Variants in CSNK1G1 observed in about 807,000 individuals in gnomAD.
CSNK1G1 encodes the protein casein kinase I isoform gamma-1.
In CSNK1G1, 22 loss-of-function variants were observed where a neutral mutation model predicts 59.6. The observed-to-expected ratio is 0.37, with a 90% CI of 0.26 to 0.53. The LOEUF (loss-of-function observed/expected upper bound fraction) is 0.53. CSNK1G1 is among the 20% of genes least tolerant of loss of function. The pLI, the probability that CSNK1G1 is intolerant of heterozygous loss-of-function variation, is 0.89. For synonymous variants in CSNK1G1, 179 were observed against 177.1 expected (o/e 1.01, Z -0.08); for missense variants, 384 against 519.5 (o/e 0.74, Z 2.54).
At chr15:64,184,233 G>T (rs2081859012) in intron 10 of CSNK1G1, among the ~76,000 whole-genome samples, 1 of 152,058 alleles carries the variant, frequency 6.6e-6, no homozygotes, top group Non-Finnish European at 1.5e-5. Flanking sequence ...AACCTGGGAG[G>T]CGTAGCTTGC....
intron 1 of CSNK1G1, among the ~76,000 whole-genome samples, chr15:64,317,526 TTC>T (rs1299842762): frequency 1.0e-5 from 1 of 99,874 alleles, no homozygotes; most frequent in South Asian, 4.8e-4. Flanking sequence ...GTGATAAGGT[TTC>T]TCTTTTTTTT....
chr15:64,276,124 G>T (rs1250284379), intron 2 of CSNK1G1, among the ~76,000 whole-genome samples: 2 of 152,090 alleles, frequency 1.3e-5, no homozygotes, highest in Non-Finnish European at 1.5e-5. Context: ...AAAAGAAAGG[G>T]AGAAGTTGAA....
chr15:64,281,212 T>C (rs1322849992), intron 2 of CSNK1G1, among the ~76,000 whole-genome samples: 1 of 152,218 alleles, frequency 6.6e-6, no homozygotes. Context: ...ACTATTATCC[T>C]TGAGGACGTT....
intron 7 of CSNK1G1, among the ~76,000 whole-genome samples, chr15:64,207,031 T>G (rs2082191601): frequency 1.3e-5 from 2 of 152,060 alleles, no homozygotes; most frequent in Admixed American, 1.3e-4. Context: ...TGCTACATAA[T>G]GGTAGTGGAG....
chr15:64,233,399 A>C (rs959032002), intron 4 of CSNK1G1, among the ~76,000 whole-genome samples: 2 of 151,986 alleles, frequency 1.3e-5, no homozygotes, highest in Non-Finnish European at 2.9e-5. Context: ...CCAGTGCAAA[A>C]TTCTCTAAAA....
intron 2 of CSNK1G1, among the ~76,000 whole-genome samples, chr15:64,262,877 G>A (rs1216187848): frequency 2.6e-5 from 4 of 151,966 alleles, no homozygotes; most frequent in African/African-American, 7.3e-5. Context: ...TCAGGAATTC[G>A]AGACCAGCCT....
intron 4 of CSNK1G1, among the ~76,000 whole-genome samples, chr15:64,218,852 GTTT>G (rs11364699): frequency 2.2e-3 from 249 of 114,072 alleles, no homozygotes; most frequent in African/African-American, 7.4e-3. Flanking sequence ...AATTTGAAGT[GTTT>G]TTTTTTTTTT....
intron 4 of CSNK1G1, among the ~76,000 whole-genome samples, chr15:64,239,409 T>C (rs1168457521): frequency 1.3e-5 from 2 of 152,210 alleles, no homozygotes; most frequent in Non-Finnish European, 2.9e-5. Context: ...AGGATCTCAC[T>C]CTGTCACTCA....
intron 6 of CSNK1G1, among the ~76,000 whole-genome samples, chr15:64,212,771 C>T (rs1283342092): frequency 6.6e-6 from 1 of 151,774 alleles, no homozygotes; most frequent in Non-Finnish European, 1.5e-5. Flanking sequence ...TTTGGGAGGC[C>T]GAGGCAGGCA....
intron 1 of CSNK1G1, among the ~76,000 whole-genome samples, chr15:64,316,535 CAAAAAA>C (rs66620488): frequency 2.1e-5 from 2 of 94,080 alleles, no homozygotes; most frequent in Admixed American, 1.2e-4. Flanking sequence ...GACTCTGTCT[CAAAAAA>C]AAAAAAAAAA....
intron 6 of CSNK1G1, among the ~76,000 whole-genome samples, chr15:64,211,544 G>A (rs927629054): frequency 6.6e-6 from 1 of 152,092 alleles, no homozygotes; most frequent in Non-Finnish European, 1.5e-5. Flanking sequence ...ACAGACTGAT[G>A]CACAGTAGAT....
chr15:64,306,881 T>G (rs936064044), intron 1 of CSNK1G1, among the ~76,000 whole-genome samples: 4 of 150,056 alleles, frequency 2.7e-5, no homozygotes, highest in African/African-American at 4.9e-5. Context: ...GAAATCCATT[T>G]GAAAAAGCTA....
At chr15:64,321,751 G>C (rs1468430903) in intron 1 of CSNK1G1, among the ~76,000 whole-genome samples, 1 of 152,154 alleles carries the variant, frequency 6.6e-6, no homozygotes, top group Non-Finnish European at 1.5e-5. Flanking sequence ...CCTAACACCA[G>C]TATTAATAAA....
At chr15:64,233,650 G>C (rs2082577459) in intron 4 of CSNK1G1, among the ~76,000 whole-genome samples, 1 of 152,190 alleles carries the variant, frequency 6.6e-6, no homozygotes, top group Non-Finnish European at 1.5e-5. Flanking sequence ...CACACAACTG[G>C]AAAATTCGTC....
chr15:64,180,161 C>T (rs1255444047), intron 11 of CSNK1G1, 187 bp downstream of exon 11: 13 of 564,644 alleles, frequency 2.3e-5, no homozygotes, highest in Non-Finnish European at 3.5e-5. Flanking sequence ...CTGTCTTCCC[C>T]GAAATCACAG....
intron 2 of CSNK1G1, among the ~76,000 whole-genome samples, chr15:64,267,941 C>T (rs772209782): frequency 7.2e-5 from 11 of 151,886 alleles, no homozygotes; most frequent in Non-Finnish European, 1.5e-4. Context: ...ATGGCAAAAC[C>T]CATCTCTACA....
intron 10 of CSNK1G1, among the ~76,000 whole-genome samples, chr15:64,202,798 C>G (rs2082124961): frequency 6.6e-6 from 1 of 152,134 alleles, no homozygotes; most frequent in African/African-American, 2.4e-5. Flanking sequence ...AGTGATCTAC[C>G]TGCCTTGGCC....
chr15:64,339,753 C>CA (rs1897591470), intron 1 of CSNK1G1, among the ~76,000 whole-genome samples: 1 of 152,254 alleles, frequency 6.6e-6, no homozygotes, highest in South Asian at 2.1e-4. Flanking sequence ...TGACAACTGT[C>CA]AGAGGACAAA....
At position 64,241,888 on chromosome 15, in the gene CSNK1G1, T is replaced by C. The variant is rs1300976241; in HGVS notation, c.292+9624A>G. Among the ~76,000 whole-genome samples, 37 of 149,022 alleles carry C rather than the reference T, an allele frequency of 2.5e-4. 1 individual carries two copies. Among genetic ancestry groups the C allele is most frequent in the Non-Finnish European group, 4.5e-5 (3 of 67,168 alleles). The stretch of plus-strand genomic sequence containing the variant: ...AAATCAACAAAATTAAGACCAAAAG[T>C]TGCAAAAGATCAATGAAACAAAAAG... On this transcript the variant is annotated intron_variant, in intron 4 of 11. Transcript: ENST00000303052.
Sources: allele counts gnomAD v4.1 joint callset (sites outside exome capture counted in the v4.1 genomes callset), GRCh38; gene constraint gnomAD v4.1.1; transcripts MANE v1.5; gene names NCBI Gene and HGNC (gene_info 2026-07-23, HGNC 2026-07-21).